FGF12: variants seen among roughly 807,000 people sequenced by gnomAD.
The protein encoded by FGF12 is fibroblast growth factor 12, also known as fibroblast growth factor 12B.
Under a neutral mutation model 23.6 loss-of-function variants are expected in FGF12, and 14 were observed. That is an observed-to-expected ratio of 0.59 (90% CI 0.39 to 0.93). FGF12 has a LOEUF of 0.93. FGF12 is among the 40% of genes least tolerant of loss of function. The pLI, the probability that FGF12 is intolerant of heterozygous loss-of-function variation, is 0.00. For synonymous variants in FGF12, 62 were observed against 77.3 expected (o/e 0.80, Z 1.04); for missense variants, 175 against 217.8 (o/e 0.80, Z 1.24).
intron 2 of FGF12, among the ~76,000 whole-genome samples, chr3:192,538,127 TA>T (rs1188138603): frequency 1.3e-5 from 2 of 152,036 alleles, no homozygotes; most frequent in Non-Finnish European, 2.9e-5. Flanking sequence ...TTTGTATTTT[TA>T]GTAAAGATGG....
At chr3:192,387,892 A>C (rs901291908) in intron 2 of FGF12, among the ~76,000 whole-genome samples, 3 of 152,018 alleles carry the variant, frequency 2.0e-5, no homozygotes, top group Non-Finnish European at 2.9e-5. Flanking sequence ...GTCTCCAAAA[A>C]ATAAAAAGTA....
At chr3:192,599,974 C>T (rs895213827) in intron 2 of FGF12, among the ~76,000 whole-genome samples, 1 of 151,926 alleles carries the variant, frequency 6.6e-6, no homozygotes, top group African/African-American at 2.4e-5. Flanking sequence ...TGCCAGTGTC[C>T]TGAATTGTTT....
intron 2 of FGF12, among the ~76,000 whole-genome samples, chr3:192,578,770 T>A (rs979350971): frequency 7.2e-5 from 11 of 152,210 alleles, no homozygotes; most frequent in Admixed American, 5.2e-4. Context: ...AAATAAGAAC[T>A]GGGTCACCAT....
chr3:192,425,655 T>G (rs1721668606), intron 2 of FGF12, among the ~76,000 whole-genome samples: 2 of 152,282 alleles, frequency 1.3e-5, no homozygotes, highest in South Asian at 4.1e-4. Flanking sequence ...TGGAGATATA[T>G]GATAGAAATC....
intron 4 of FGF12, among the ~76,000 whole-genome samples, chr3:192,209,123 A>C (rs1221853251): frequency 6.6e-6 from 1 of 152,240 alleles, no homozygotes; most frequent in Non-Finnish European, 1.5e-5. Flanking sequence ...ATATGATATA[A>C]ATGAATATAT....
chr3:192,144,142 A>G lies in FGF12; in HGVS notation c.428-15T>C, dbSNP rs1384293644. ...GTACATACACACTGAAAGGCAAAAT[A>G]ACAAAAATTACTTATGACAGTGGAC... On this transcript the variant is annotated splice_polypyrimidine_tract_variant and intron_variant, in intron 5 of 5. Coordinates refer to ENST00000445105, the MANE Select transcript of FGF12 (RefSeq NM_004113.6). 6.7e-7 allele frequency: 1 copy of G among 1,485,420 alleles called. No homozygotes were observed. The allele number at this position is 1,485,420 out of a possible 1,614,324, so 92.0% of individuals were successfully genotyped here.
chr3:192,167,333 C>T (rs954831129), intron 5 of FGF12, among the ~76,000 whole-genome samples: 4 of 152,044 alleles, frequency 2.6e-5, no homozygotes, highest in Non-Finnish European at 5.9e-5. Flanking sequence ...TCTCCTCTGC[C>T]CTCTGGCTGG....
At chr3:192,284,747 G>T (rs776586270) in intron 4 of FGF12, among the ~76,000 whole-genome samples, 1 of 151,992 alleles carries the variant, frequency 6.6e-6, no homozygotes, top group Non-Finnish European at 1.5e-5. Flanking sequence ...ATGAAATCTA[G>T]ACAAGCTCTA....
chr3:192,626,825 G>A (rs1330556360), intron 2 of FGF12, among the ~76,000 whole-genome samples: 3 of 152,050 alleles, frequency 2.0e-5, no homozygotes, highest in South Asian at 2.1e-4. Context: ...CCAGGCTGAT[G>A]TCGAACTCCT....
chr3:192,189,452 C>T (rs933773936), intron 4 of FGF12, among the ~76,000 whole-genome samples: 1 of 152,180 alleles, frequency 6.6e-6, no homozygotes, highest in Admixed American at 6.5e-5. Context: ...CTGTTACAAA[C>T]TAAACTGTGC....
intron 3 of FGF12, among the ~76,000 whole-genome samples, chr3:192,341,384 C>G (rs373444051): frequency 5.3e-5 from 8 of 152,036 alleles, no homozygotes; most frequent in African/African-American, 1.9e-4. Context: ...GAAAGACATT[C>G]AAAAATTATA....
intron 2 of FGF12, among the ~76,000 whole-genome samples, chr3:192,388,037 T>C (rs1422708731): frequency 6.6e-6 from 1 of 152,076 alleles, no homozygotes; most frequent in Non-Finnish European, 1.5e-5. Context: ...GGTAGGAGGA[T>C]TGCTAGAGAC....
At chr3:192,318,260 C>T (rs1337950588) in intron 4 of FGF12, among the ~76,000 whole-genome samples, 2 of 152,084 alleles carry the variant, frequency 1.3e-5, no homozygotes, top group Non-Finnish European at 2.9e-5. Context: ...CTAAATAAGA[C>T]CCCAGGGACC....
At chr3:192,403,050 G>C (rs1468336959) in intron 2 of FGF12, among the ~76,000 whole-genome samples, 1 of 151,702 alleles carries the variant, frequency 6.6e-6, no homozygotes, top group Non-Finnish European at 1.5e-5. Flanking sequence ...TGATGATCAT[G>C]CATTCAAAGA....
intron 4 of FGF12, among the ~76,000 whole-genome samples, chr3:192,313,916 G>A (rs1488033939): frequency 6.6e-6 from 1 of 152,172 alleles, no homozygotes; most frequent in Non-Finnish European, 1.5e-5. Flanking sequence ...GAAGCCTAAT[G>A]CTCAATGTGA....
intron 4 of FGF12, among the ~76,000 whole-genome samples, chr3:192,277,899 A>G (rs960119210): frequency 6.6e-6 from 1 of 152,206 alleles, no homozygotes; most frequent in Non-Finnish European, 1.5e-5. Flanking sequence ...AGTAGCTGGG[A>G]ATACAGGCGC....
At chr3:192,663,741 C>T (rs866897825) in intron 2 of FGF12, among the ~76,000 whole-genome samples, 1 of 152,040 alleles carries the variant, frequency 6.6e-6, no homozygotes, top group African/African-American at 2.4e-5. Flanking sequence ...AGAACGGTTT[C>T]CTTCCAGCTG....
chr3:192,623,273 G>T (rs1715042133), intron 2 of FGF12, among the ~76,000 whole-genome samples: 1 of 152,160 alleles, frequency 6.6e-6, no homozygotes, highest in African/African-American at 2.4e-5. Context: ...TTTTTCTGAT[G>T]AGACAACAGA....
intron 2 of FGF12, among the ~76,000 whole-genome samples, chr3:192,382,069 C>T (rs532118163): frequency 6.0e-4 from 91 of 152,024 alleles, no homozygotes; most frequent in African/African-American, 2.1e-3. Context: ...CGATCTCAGC[C>T]CACTGCAACC....
Sources: gnomAD v4.1 joint callset for allele counts (sites outside exome capture counted in the v4.1 genomes callset) on GRCh38, gnomAD v4.1.1 for gene constraint, MANE v1.5 for transcripts, NCBI Gene and HGNC (gene_info 2026-07-23, HGNC 2026-07-21) for gene names.